Variants in KCNS3 observed in about 807,000 individuals in gnomAD.
The protein encoded by KCNS3 is delayed-rectifier potassium channel regulatory subunit KCNS3.
In KCNS3, 13 loss-of-function variants were observed where a neutral mutation model predicts 31.0. The ratio of observed to expected loss-of-function variants is 0.42; its 90% CI spans 0.27 to 0.67. The LOEUF is 0.67. KCNS3 is among the 30% of genes least tolerant of loss of function. The probability of loss-of-function intolerance (pLI) is 0.25; values close to 1 mark genes in which losing one functional copy is unlikely to be tolerated. For synonymous variants in KCNS3, 238 were observed against 241.5 expected, an observed-to-expected ratio of 0.99 and a Z score of 0.13; for missense variants, 545 against 622.4, an observed-to-expected ratio of 0.88 and a Z score of 1.32.
At chr2:17,923,215 T>C (rs546711166) in intron 2 of KCNS3, among the ~76,000 whole-genome samples, 1 of 152,314 alleles carries the variant, frequency 6.6e-6, no homozygotes, top group East Asian at 1.9e-4. Flanking sequence ...TTTCCTAATG[T>C]CTAATGATGT....
At chr2:17,888,574 C>T (rs1283499333) in intron 1 of KCNS3, among the ~76,000 whole-genome samples, 2 of 140,374 alleles carry the variant, frequency 1.4e-5, no homozygotes, top group African/African-American at 5.4e-5. Context: ...ACATATGTAA[C>T]AAACCTGCAC....
intron 1 of KCNS3, among the ~76,000 whole-genome samples, chr2:17,908,567 T>C (rs902024908): frequency 1.3e-5 from 2 of 152,250 alleles, no homozygotes; most frequent in Admixed American, 6.5e-5. Context: ...TTTTCTGCTC[T>C]GTTTTTTCCC....
chr2:17,923,208 C>T (rs1386395902), intron 2 of KCNS3, among the ~76,000 whole-genome samples: 1 of 152,024 alleles, frequency 6.6e-6, no homozygotes, highest in African/African-American at 2.4e-5. Context: ...TTTGCATTTT[C>T]CTAATGTCTA....
At chr2:17,887,515 C>CTATCTATA (rs1661696292) in intron 1 of KCNS3, among the ~76,000 whole-genome samples, 1 of 151,870 alleles carries the variant, frequency 6.6e-6, no homozygotes, top group Non-Finnish European at 1.5e-5. Flanking sequence ...ATCTATCTAT[C>CTATCTATA]TATCTATCTA....
At chr2:17,904,553 G>A (rs552082556) in intron 1 of KCNS3, among the ~76,000 whole-genome samples, 292 of 152,146 alleles carry the variant, frequency 1.9e-3, no homozygotes, top group Middle Eastern at 0.014. Flanking sequence ...GTCCTGAATG[G>A]TATTGCCTAG....
chr2:17,930,379 G>A (rs1662928773), intron 2 of KCNS3, among the ~76,000 whole-genome samples: 1 of 152,216 alleles, frequency 6.6e-6, no homozygotes, highest in African/African-American at 2.4e-5. Context: ...CAAACACAGG[G>A]AGTAGGGCTT....
intron 1 of KCNS3, among the ~76,000 whole-genome samples, chr2:17,893,625 G>T (rs1402787598): frequency 6.6e-6 from 1 of 152,130 alleles, no homozygotes; most frequent in African/African-American, 2.4e-5. Context: ...ATTTCGCTCG[G>T]CTCTCTAACT....
chr2:17,913,128 A>G (rs1227522097), intron 1 of KCNS3, among the ~76,000 whole-genome samples: 2 of 25,678 alleles, frequency 7.8e-5, no homozygotes. Context: ...TGATATTTTA[A>G]TTTTATTTAA....
chr2:17,913,747 C>T (rs1662524659), intron 1 of KCNS3, among the ~76,000 whole-genome samples: 1 of 152,098 alleles, frequency 6.6e-6, no homozygotes. Flanking sequence ...ACTTATAGAG[C>T]ATTGGTTCTT....
intron 1 of KCNS3, among the ~76,000 whole-genome samples, chr2:17,882,889 G>A (rs973724123): frequency 6.6e-6 from 1 of 150,628 alleles, no homozygotes; most frequent in Non-Finnish European, 1.5e-5. Flanking sequence ...TTGTTAAGAG[G>A]ATCAAAATCT....
intron 1 of KCNS3, among the ~76,000 whole-genome samples, chr2:17,885,250 T>C (rs1661616962): frequency 6.6e-6 from 1 of 152,184 alleles, no homozygotes. Flanking sequence ...GTCCTGGGCA[T>C]GGTTATGAGC....
intron 1 of KCNS3, among the ~76,000 whole-genome samples, chr2:17,906,019 T>C (rs1558453024): frequency 6.6e-6 from 1 of 152,226 alleles, no homozygotes; most frequent in Non-Finnish European, 1.5e-5. Context: ...TTGATTGGAA[T>C]AGTTTCAGAA....
intron 1 of KCNS3, among the ~76,000 whole-genome samples, chr2:17,890,256 T>C (rs1368785759): frequency 6.6e-6 from 1 of 152,152 alleles, no homozygotes; most frequent in Admixed American, 6.6e-5. Context: ...ATTTCAGTGG[T>C]GTCAGTTGTA....
chr2:17,929,245 A>T (rs996466300), intron 2 of KCNS3, among the ~76,000 whole-genome samples: 4 of 152,178 alleles, frequency 2.6e-5, no homozygotes, highest in African/African-American at 7.2e-5. Context: ...ATAAAGAACT[A>T]CCTGAGACTG....
intron 2 of KCNS3, among the ~76,000 whole-genome samples, chr2:17,928,469 GT>G (rs1366196111): frequency 6.6e-6 from 1 of 152,138 alleles, no homozygotes; most frequent in Non-Finnish European, 1.5e-5. Context: ...GTTTTGCCAT[GT>G]TCACCAGGCT....
At chr2:17,891,606 T>C (rs1272408776) in intron 1 of KCNS3, among the ~76,000 whole-genome samples, 1 of 152,252 alleles carries the variant, frequency 6.6e-6, no homozygotes, top group Non-Finnish European at 1.5e-5. Context: ...TTAGCAGTTC[T>C]TATAGTGGTG....
At chr2:17,911,419 C>T (rs1356570054) in intron 1 of KCNS3, among the ~76,000 whole-genome samples, 1 of 152,206 alleles carries the variant, frequency 6.6e-6, no homozygotes, top group East Asian at 1.9e-4. Context: ...CATTTGATAT[C>T]TATCTCATTC....
intron 1 of KCNS3, among the ~76,000 whole-genome samples, chr2:17,882,122 G>T (rs77393600): frequency 2.1e-4 from 32 of 152,212 alleles, no homozygotes; most frequent in African/African-American, 7.2e-4. Flanking sequence ...TAAGTGCCCA[G>T]TACTACAGGC....
chr2:17,891,311 G>A (rs1301096302), intron 1 of KCNS3, among the ~76,000 whole-genome samples: 1 of 152,108 alleles, frequency 6.6e-6, no homozygotes, highest in Non-Finnish European at 1.5e-5. Context: ...TATGTGTTAG[G>A]TGAGTCTCCT....
Sources: allele counts gnomAD v4.1 joint callset (sites outside exome capture counted in the v4.1 genomes callset), GRCh38; gene constraint gnomAD v4.1.1; transcripts MANE v1.5; gene names NCBI Gene and HGNC (gene_info 2026-07-23, HGNC 2026-07-21).